PLAGL2: variants seen among roughly 807,000 people sequenced by gnomAD.
The protein encoded by PLAGL2 is PLAG1 like zinc finger 2.
Under a neutral mutation model 29.0 loss-of-function variants are expected in PLAGL2, and 7 were observed. That is an observed-to-expected ratio of 0.24 (90% confidence interval 0.14 to 0.45). The LOEUF is 0.45. Among genes scored for constraint, PLAGL2 ranks in the 20% least tolerant of loss-of-function variants. PLAGL2 has a pLI of 0.99. For missense variants in PLAGL2, 454 were observed against 648.2 expected (o/e 0.70, Z 3.25); for synonymous variants, 234 against 266.0 (o/e 0.88, Z 1.17).
intron 1 of PLAGL2, among the ~76,000 whole-genome samples, chr20:32,206,231 G>C (rs2047286359): frequency 6.6e-6 from 1 of 152,222 alleles, no homozygotes; most frequent in Non-Finnish European, 1.5e-5. Context: ...GAGAAGAGGG[G>C]AAATGGGAAT....
chr20:32,201,783 G>A, intron 2 of PLAGL2, 136 bp downstream of exon 2: 1 of 674,086 alleles, frequency 1.5e-6, no homozygotes. Flanking sequence ...CAACTGTTTG[G>A]CATTCAGGGT....
chr20:32,201,418 T>G (rs1267077739), intron 2 of PLAGL2, among the ~76,000 whole-genome samples: 1 of 151,772 alleles, frequency 6.6e-6, no homozygotes, highest in Non-Finnish European at 1.5e-5. Flanking sequence ...CACCCCCATA[T>G]CTACAAAAAA....
rs879772831 is a variant in PLAGL2 at position 32,197,886 on chromosome 20, TG to T, written c.261-205del. ...TGTGTACCGACATTCTTTGCAGCATTGCTTGTAGTAGCAAAAAAAATCAGAA... is the reference window on the plus strand; with the variant it reads ...TGTGTACCGACATTCTTTGCAGCATTCTTGTAGTAGCAAAAAAAATCAGAA... On this transcript the variant is annotated intron_variant, in intron 2 of 2. Coordinates refer to ENST00000246229, the MANE Select transcript of PLAGL2 (RefSeq NM_002657.3). This position sits in a 1 kb window ranked among gnomAD's most constrained non-coding sequence, Gnocchi z 6.6. Among the ~76,000 whole-genome samples, 8 of 152,362 alleles carry T rather than the reference TG, an allele frequency of 5.3e-5. No individual in the cohort carries two copies. Among genetic ancestry groups the T allele is most frequent in the Admixed American group, 5.2e-4 (8 of 15,306 alleles).
intron 2 of PLAGL2, among the ~76,000 whole-genome samples, chr20:32,201,094 A>C (rs916688114): frequency 6.6e-5 from 10 of 152,226 alleles, no homozygotes; most frequent in African/African-American, 2.2e-4. Context: ...AGGCTGATTC[A>C]GTAGAAGAGG....
In PLAGL2 at chr20:32,193,921, T is replaced by C. The variant is rs2047214743; in HGVS notation, c.*2531A>G. ...TGATAGGAAAATTCCTTGTGGGTGCTGAGGACACTGAGAGGAGGAAAGGAA... is the reference window on the plus strand; with the variant it reads ...TGATAGGAAAATTCCTTGTGGGTGCCGAGGACACTGAGAGGAGGAAAGGAA... On this transcript the variant is annotated 3_prime_UTR_variant, in exon 3 of 3. Transcript: ENST00000246229. 1 of 152,140 alleles carries C rather than the reference T, an allele frequency of 6.6e-6. No homozygotes were observed. The allele number at this position is 152,140 out of a possible 1,614,324, so 9.4% of individuals were successfully genotyped here.
chr20:32,201,116 C>A (rs1367250205), intron 2 of PLAGL2, among the ~76,000 whole-genome samples: 1 of 152,212 alleles, frequency 6.6e-6, no homozygotes, highest in African/African-American at 2.4e-5. Context: ...ACTGCAGGAC[C>A]TCTGAAGCTG....
In PLAGL2 at chr20:32,192,677, C is replaced by T. The variant is rs2047206784; in HGVS notation, c.*3775G>A. On this transcript the variant is annotated 3_prime_UTR_variant, in exon 3 of 3. Transcript: ENST00000246229. ...CTTGTTTTATATAAAGCCAAAAATACTCCAAGAGGTTATTCACTGTGTTTA... is the reference window on the plus strand; with the variant it reads ...CTTGTTTTATATAAAGCCAAAAATATTCCAAGAGGTTATTCACTGTGTTTA... The T allele has an allele frequency of 6.6e-6, 1 of 152,644 alleles. No homozygotes were observed. Among genetic ancestry groups the T allele is most frequent in the African/African-American group, 2.4e-5 (1 of 41,446 alleles). The allele number at this position is 152,644 out of a possible 1,614,324, so 9.5% of individuals were successfully genotyped here.
intron 2 of PLAGL2, among the ~76,000 whole-genome samples, chr20:32,199,693 C>T (rs982404413): frequency 1.3e-5 from 2 of 151,992 alleles, no homozygotes; most frequent in African/African-American, 2.4e-5. Flanking sequence ...CAAAAATTAG[C>T]GGGTGTGGTG....
rs1042442681 is a variant in PLAGL2 at position 32,193,063 on chromosome 20, A to C, written c.*3389T>G. 2.0e-5 allele frequency: 3 copies of C among 152,670 alleles called. No homozygotes were observed. Among genetic ancestry groups the C allele is most frequent in the African/African-American group, 7.2e-5 (3 of 41,462 alleles). The allele number at this position is 152,670 out of a possible 1,614,324, so 9.5% of individuals were successfully genotyped here. A position where few individuals can be genotyped will look rare whatever the true frequency, so the allele number is the denominator to read the frequency against. On this transcript the variant is annotated 3_prime_UTR_variant, in exon 3 of 3. Coordinates refer to ENST00000246229, the MANE Select transcript of PLAGL2 (RefSeq NM_002657.3). ...GAGGCCAGGGTGGGATCCCAGAGGA[A>C]TCTGGACTTTTCTGGCCAACACCTG... is the stretch of plus-strand genomic sequence containing the variant.
Position 32,202,304 on chromosome 20 carries a change from G to A in PLAGL2, c.-114-12C>T. The A allele has an allele frequency of 1.1e-6, 1 of 927,118 alleles. No homozygotes were observed. 57.4% of individuals were successfully genotyped at this position (927,118 alleles called of 1,614,324 possible). On this transcript the variant is annotated splice_polypyrimidine_tract_variant and intron_variant, in intron 1 of 2. Transcript: ENST00000246229. ...AACAATCTCTTCACCTGAAACATCA[G>A]AACACCTGGTGTTAGGGAGCCCAAT...
At chr20:32,207,316 C>A (rs1405407754) in intron 1 of PLAGL2, among the ~76,000 whole-genome samples, 1 of 152,048 alleles carries the variant, frequency 6.6e-6, no homozygotes, top group African/African-American at 2.4e-5. Context: ...AGGTCAGCAG[C>A]GCCTTATCTG....
chr20:32,201,795 T>C, intron 2 of PLAGL2, 124 bp downstream of exon 2: 2 of 739,230 alleles, frequency 2.7e-6, no homozygotes, highest in Non-Finnish European at 4.4e-6. Flanking sequence ...ATTCAGGGTA[T>C]ACTTGTAGGA....
Position 32,202,148 on chromosome 20 carries a change from A to G in PLAGL2, c.31T>C (p.Trp11Arg). Residue 11 changes from tryptophan to arginine, a missense_variant, in exon 2 of 3, where the codon TGG (tryptophan) becomes CGG (arginine). Coordinates refer to ENST00000246229, the MANE Select transcript of PLAGL2 (RefSeq NM_002657.3). MTTFFTSVPP[W>R]IQDAKQEEEV... is the part of the protein sequence containing the mutation. Reference sequence around the variant, plus strand: ...TCCTCCTGCTTTGCATCTTGAATCCAGGGGGGGACGCTGGTGAAAAATGTG... The same window carrying G: ...TCCTCCTGCTTTGCATCTTGAATCCGGGGGGGGACGCTGGTGAAAAATGTG... 3 of 1,614,000 alleles carry G rather than the reference A, an allele frequency of 1.9e-6. No individual in the cohort carries two copies. The highest frequency in any genetic ancestry group is 2.5e-6 in the Non-Finnish European group (3 of 1,179,942).
chr20:32,200,847 G>C (rs2047255840), intron 2 of PLAGL2, among the ~76,000 whole-genome samples: 1 of 152,190 alleles, frequency 6.6e-6, no homozygotes, highest in South Asian at 2.1e-4. Flanking sequence ...GCCCGCCTCA[G>C]CCTCCCAAAG....
chr20:32,206,165 C>T (rs2047285949), intron 1 of PLAGL2, among the ~76,000 whole-genome samples: 1 of 152,148 alleles, frequency 6.6e-6, no homozygotes, highest in Non-Finnish European at 1.5e-5. Flanking sequence ...AAAAACAGAT[C>T]CTGATCTCAG....
chr20:32,201,262 G>A (rs1304049119), intron 2 of PLAGL2, among the ~76,000 whole-genome samples: 1 of 152,100 alleles, frequency 6.6e-6, no homozygotes, highest in Non-Finnish European at 1.5e-5. Context: ...ACCATCACCT[G>A]ACAAAGGTGA....
chr20:32,201,521 C>T (rs2047259269), intron 2 of PLAGL2, among the ~76,000 whole-genome samples: 1 of 152,114 alleles, frequency 6.6e-6, no homozygotes, highest in African/African-American at 2.4e-5. Flanking sequence ...GAATTGGAGG[C>T]TGCAGTGAGC....
chr20:32,196,124 C>T lies in PLAGL2; in HGVS notation c.*328G>A. The T allele has an allele frequency of 5.4e-6, 1 of 185,486 alleles. No homozygotes were observed. Among genetic ancestry groups the T allele is most frequent in the Non-Finnish European group, 1.1e-5 (1 of 90,802 alleles). 11.5% of individuals were successfully genotyped at this position (185,486 alleles called of 1,614,324 possible). On this transcript the variant is annotated 3_prime_UTR_variant, in exon 3 of 3. Coordinates refer to ENST00000246229, the MANE Select transcript of PLAGL2 (RefSeq NM_002657.3). ...AACCCTCTGTGTCTCCAAGAGGCCT[C>T]CCCATTCTCCAAAGAGAAGGAGGTT...
rs1448330312 is a variant in PLAGL2 at position 32,196,239 on chromosome 20, G to A, written c.*213C>T. The A allele has an allele frequency of 1.0e-5, 4 of 395,642 alleles. No individual in the cohort carries two copies. Among genetic ancestry groups the A allele is most frequent in the Non-Finnish European group, 1.3e-5 (3 of 224,218 alleles). 24.5% of individuals were successfully genotyped at this position (395,642 alleles called of 1,614,324 possible). A position where few individuals can be genotyped will look rare whatever the true frequency, so the allele number is the denominator to read the frequency against. Reference sequence around the variant, plus strand: ...AATAATACCTGAAGTCCTACGGTATGAGATCTTTTCACGGGGTTGGGGCTC... The same window carrying A: ...AATAATACCTGAAGTCCTACGGTATAAGATCTTTTCACGGGGTTGGGGCTC... On this transcript the variant is annotated 3_prime_UTR_variant, in exon 3 of 3. Transcript: ENST00000246229.
Sources: gnomAD v4.1 joint callset for allele counts (sites outside exome capture counted in the v4.1 genomes callset) on GRCh38, gnomAD v4.1.1 for gene constraint, Gnocchi (gnomAD v3.1) non-coding constraint, MANE v1.5 for transcripts, NCBI Gene and HGNC (gene_info 2026-07-23, HGNC 2026-07-21) for gene names.